SKI: variants seen among roughly 807,000 people sequenced by gnomAD.
SKI encodes the protein ski oncogene.
A neutral mutation model predicts 59.3 loss-of-function variants in SKI; 23 were observed. The ratio of observed to expected loss-of-function variants is 0.39; its 90% CI spans 0.28 to 0.55. The LOEUF (loss-of-function observed/expected upper bound fraction) is 0.55. SKI is among the 20% of genes least tolerant of loss of function. The pLI is 0.67. For missense variants in SKI, 1,017 were observed against 1,038.9 expected (o/e 0.98, Z 0.29); for synonymous variants, 673 against 488.6 (o/e 1.38, Z -4.98).
chr1:2,285,967 C>T (rs372412753), intron 1 of SKI, among the ~76,000 whole-genome samples: 6 of 151,234 alleles, frequency 4.0e-5, no homozygotes, highest in East Asian at 3.9e-4. Context: ...TCTGCCTCCC[C>T]GGTTCACGCC....
chr1:2,232,659 A>G (rs529019810), intron 1 of SKI: 1 of 152,440 alleles, frequency 6.6e-6, no homozygotes, highest in South Asian at 2.1e-4. Context: ...TGTGGGCTGC[A>G]TGGGTGCTTG....
intron 1 of SKI, among the ~76,000 whole-genome samples, chr1:2,302,077 C>G (rs532892499): frequency 5.9e-4 from 90 of 152,372 alleles, no homozygotes; most frequent in Admixed American, 3.1e-3. Flanking sequence ...TCACGTTTGC[C>G]TGAGGCTGGA....
In SKI at chr1:2,268,118, G is replaced by T. The variant is rs533453804; in HGVS notation, c.970-34860G>T. On this transcript the variant is annotated intron_variant, in intron 1 of 6. Transcript: ENST00000378536. The surrounding 1 kb of genome is among the most constrained non-coding windows in gnomAD (Gnocchi z 5.0). The stretch of plus-strand genomic sequence containing the variant: ...CCCTGTGGTCAGATGCATGGCGCCC[G>T]CAGCCCTGGCCCAGGTGCCCCCTGG... 6.6e-6 allele frequency among the ~76,000 whole-genome samples: 1 copy of T among 152,228 alleles called. No homozygotes were observed. Among genetic ancestry groups the T allele is most frequent in the African/African-American group, 2.4e-5 (1 of 41,466 alleles).
chr1:2,235,053 T>TC (rs1423218321), intron 1 of SKI, among the ~76,000 whole-genome samples: 1 of 151,006 alleles, frequency 6.6e-6, no homozygotes, highest in Non-Finnish European at 1.5e-5. Context: ...TTATTTTTTT[T>TC]TTTTTTTGAG....
intron 1 of SKI, among the ~76,000 whole-genome samples, chr1:2,293,239 C>T (rs1202651356): frequency 6.6e-6 from 1 of 152,190 alleles, no homozygotes; most frequent in South Asian, 2.1e-4. Context: ...CTTTGGTTGG[C>T]GATCGGGACT....
intron 1 of SKI, among the ~76,000 whole-genome samples, chr1:2,250,845 G>A (rs1639131410): frequency 1.3e-5 from 2 of 152,282 alleles, no homozygotes; most frequent in South Asian, 2.1e-4. Context: ...AGCTGGCTGC[G>A]CGTTGGCAGG....
At chr1:2,248,829 G>GT (rs1639054397) in intron 1 of SKI, among the ~76,000 whole-genome samples, 1 of 152,234 alleles carries the variant, frequency 6.6e-6, no homozygotes, top group African/African-American at 2.4e-5. Flanking sequence ...GTGGCTTAGG[G>GT]TTTAGGAGCA....
At chr1:2,272,717 T>C (rs1639652229) in intron 1 of SKI, among the ~76,000 whole-genome samples, 1 of 152,248 alleles carries the variant, frequency 6.6e-6, no homozygotes. Flanking sequence ...AAACTCCCTG[T>C]TGAGGCCTTA....
At chr1:2,274,506 C>T (rs1012041981) in intron 1 of SKI, among the ~76,000 whole-genome samples, 5 of 152,206 alleles carry the variant, frequency 3.3e-5, no homozygotes, top group Admixed American at 6.5e-5. Flanking sequence ...GTCGTGGCCG[C>T]GTGTGCTCTG....
chr1:2,299,296 A>C (rs1013963269), intron 1 of SKI, among the ~76,000 whole-genome samples: 4 of 152,070 alleles, frequency 2.6e-5, no homozygotes, highest in Non-Finnish European at 5.9e-5. Context: ...GCTTGTGCCC[A>C]TGTCCTCCTC....
At position 2,307,929 on chromosome 1, in the gene SKI, C is replaced by CAGA. The variant is rs1640639547; in HGVS notation, c.*1164_*1165insAGA. The CAGA allele has an allele frequency of 2.0e-5, 3 of 152,578 alleles. No individual in the cohort carries two copies. Among genetic ancestry groups the CAGA allele is most frequent in the African/African-American group, 7.2e-5 (3 of 41,450 alleles). 9.5% of individuals were successfully genotyped at this position (152,578 alleles called of 1,614,324 possible). ...GGGGTCGTTCTGTGCCTTCCAGCAT[C>CAGA]TTGTACAGCAAATCCTGACTCGTGT... On this transcript the variant is annotated 3_prime_UTR_variant, in exon 7 of 7. Coordinates refer to ENST00000378536, the MANE Select transcript of SKI (RefSeq NM_003036.4).
At chr1:2,243,905 C>T (rs954857559) in intron 1 of SKI, among the ~76,000 whole-genome samples, 1 of 152,174 alleles carries the variant, frequency 6.6e-6, no homozygotes, top group African/African-American at 2.4e-5. Context: ...CTGATCATTT[C>T]CTTAGTGGAC....
chr1:2,234,968 G>A (rs1385806293), intron 1 of SKI, among the ~76,000 whole-genome samples: 3 of 152,110 alleles, frequency 2.0e-5, no homozygotes, highest in African/African-American at 7.2e-5. Context: ...CCTCCAGAGC[G>A]GGTGGTAGGG....
At chr1:2,262,379 GA>G (rs1176318484) in intron 1 of SKI, among the ~76,000 whole-genome samples, 2 of 147,388 alleles carry the variant, frequency 1.4e-5, no homozygotes, top group African/African-American at 5.1e-5. Flanking sequence ...GGTGGGAGTG[GA>G]CACCCTCGCT....
intron 1 of SKI, among the ~76,000 whole-genome samples, chr1:2,238,932 T>C (rs186745936): frequency 2.3e-4 from 35 of 152,244 alleles, no homozygotes; most frequent in Non-Finnish European, 4.4e-5. Flanking sequence ...CAGCTGCTGC[T>C]TCCCTGGACG....
chr1:2,299,136 G>T (rs960099387), intron 1 of SKI, among the ~76,000 whole-genome samples: 1 of 152,266 alleles, frequency 6.6e-6, no homozygotes, highest in Non-Finnish European at 1.5e-5. Flanking sequence ...CGTCAGCGCC[G>T]AGTGGCCAGC....
intron 1 of SKI, among the ~76,000 whole-genome samples, chr1:2,246,085 C>T (rs544196569): frequency 1.3e-5 from 2 of 152,306 alleles, no homozygotes; most frequent in South Asian, 2.1e-4. Flanking sequence ...CGTGAGCCAC[C>T]GCATTCAGCC....
chr1:2,247,101 C>T (rs778819395), intron 1 of SKI, among the ~76,000 whole-genome samples: 4 of 152,218 alleles, frequency 2.6e-5, no homozygotes, highest in Non-Finnish European at 5.9e-5. Flanking sequence ...TGCACCTGGT[C>T]CCAGCTACTT....
intron 1 of SKI, among the ~76,000 whole-genome samples, chr1:2,246,782 A>T (rs1363763872): frequency 6.6e-6 from 1 of 152,064 alleles, no homozygotes; most frequent in Non-Finnish European, 1.5e-5. Flanking sequence ...GTCGGGCCTG[A>T]TGGGGCTGCT....
Sources: gnomAD v4.1 joint callset for allele counts (sites outside exome capture counted in the v4.1 genomes callset) on GRCh38, gnomAD v4.1.1 for gene constraint, Gnocchi (gnomAD v3.1) non-coding constraint, MANE v1.5 for transcripts, NCBI Gene and HGNC (gene_info 2026-07-23, HGNC 2026-07-21) for gene names.